Variants in PARD3B observed in about 807,000 individuals in gnomAD.
PARD3B encodes par-3 family cell polarity regulator beta.
PARD3B carries 103 observed loss-of-function variants against 130.2 expected under a neutral mutation model. That is an observed-to-expected ratio of 0.79 (90% CI 0.67 to 0.93). The LOEUF (loss-of-function observed/expected upper bound fraction) is 0.93, where lower values mean the gene tolerates loss of function less well. Among genes scored for constraint, PARD3B ranks in the 40% least tolerant of loss-of-function variants. PARD3B has a pLI of 0.00. For missense variants in PARD3B, 1,609 were observed against 1,499.2 expected, an observed-to-expected ratio of 1.07 and a Z score of -1.21; for synonymous variants, 583 against 553.2, an observed-to-expected ratio of 1.05 and a Z score of -0.76.
At chr2:205,603,231 C>A (rs778751299) in intron 22 of PARD3B, among the ~76,000 whole-genome samples, 1 of 151,788 alleles carries the variant, frequency 6.6e-6, no homozygotes, top group African/African-American at 2.4e-5. Context: ...GTTATGATTT[C>A]AATTCTTTTG....
chr2:205,546,565 G>GA (rs1320585825), intron 21 of PARD3B, among the ~76,000 whole-genome samples: 1 of 152,164 alleles, frequency 6.6e-6, no homozygotes, highest in African/African-American at 2.4e-5. Flanking sequence ...TGAGCACAGA[G>GA]AAAAATGAGA....
rs2042906570 is a variant in PARD3B at position 205,325,479 on chromosome 2, C to T, written c.2630+23778C>T. Among the ~76,000 whole-genome samples the T allele has an allele frequency of 6.6e-6, 1 of 151,970 alleles. No homozygotes were observed. The highest frequency in any genetic ancestry group is 1.5e-5 in the Non-Finnish European group (1 of 68,026). On this transcript the variant is annotated intron_variant, in intron 18 of 22. Coordinates refer to ENST00000406610, the MANE Select transcript of PARD3B (RefSeq NM_001302769.2). The surrounding 1 kb of genome is among the most constrained non-coding windows in gnomAD (Gnocchi z 4.1). ...GCCTTGCTGACAACAATTCTCTCCA[C>T]ACTCAGTACTGATAAAGATAGTTTA...
At chr2:204,637,476 G>A (rs1270771737) in intron 1 of PARD3B, among the ~76,000 whole-genome samples, 1 of 152,076 alleles carries the variant, frequency 6.6e-6, no homozygotes, top group African/African-American at 2.4e-5. Context: ...TGAGATAGAT[G>A]TATAACATGT....
At chr2:204,797,808 A>C (rs2042428157) in intron 2 of PARD3B, among the ~76,000 whole-genome samples, 1 of 152,228 alleles carries the variant, frequency 6.6e-6, no homozygotes, top group South Asian at 2.1e-4. Context: ...TGAACCAATG[A>C]GATAGGAGAA....
intron 21 of PARD3B, among the ~76,000 whole-genome samples, chr2:205,549,879 G>A (rs1338809018): frequency 6.6e-6 from 1 of 152,100 alleles, no homozygotes; most frequent in Non-Finnish European, 1.5e-5. Context: ...GCATGTGTAG[G>A]GGTGGGACTA....
intron 3 of PARD3B, among the ~76,000 whole-genome samples, chr2:204,985,069 T>C (rs2125222390): frequency 1.3e-5 from 2 of 152,250 alleles, no homozygotes; most frequent in South Asian, 2.1e-4. Context: ...ATGGTAATAT[T>C]GTAGGCTACC....
intron 19 of PARD3B, among the ~76,000 whole-genome samples, chr2:205,425,222 A>G (rs2047103701): frequency 6.6e-6 from 1 of 152,038 alleles, no homozygotes; most frequent in South Asian, 2.1e-4. Flanking sequence ...TCACATCCCC[A>G]CCTCTCTTTG....
intron 2 of PARD3B, among the ~76,000 whole-genome samples, chr2:204,766,770 TA>T (rs1213951738): frequency 6.7e-6 from 1 of 149,306 alleles, no homozygotes; most frequent in Non-Finnish European, 1.5e-5. Flanking sequence ...GTAATTTTTC[TA>T]AAGCTTATGA....
intron 1 of PARD3B, among the ~76,000 whole-genome samples, chr2:204,553,785 T>C (rs1265875676): frequency 1.3e-5 from 2 of 149,764 alleles, no homozygotes; most frequent in East Asian, 2.0e-4. Flanking sequence ...GATTGGAGAC[T>C]ATTACGGCAA....
intron 22 of PARD3B, among the ~76,000 whole-genome samples, chr2:205,588,412 C>T (rs562014469): frequency 3.2e-4 from 48 of 152,082 alleles, no homozygotes; most frequent in Non-Finnish European, 5.6e-4. Context: ...GTTATTCATC[C>T]AGACCTGAAT....
intron 1 of PARD3B, among the ~76,000 whole-genome samples, chr2:204,637,511 T>A (rs1559199027): frequency 6.6e-6 from 1 of 152,216 alleles, no homozygotes; most frequent in African/African-American, 2.4e-5. Flanking sequence ...ATCAGAAGTG[T>A]ACTAAATTCT....
intron 21 of PARD3B, among the ~76,000 whole-genome samples, chr2:205,512,805 G>C (rs2050636758): frequency 6.6e-6 from 1 of 152,002 alleles, no homozygotes; most frequent in Non-Finnish European, 1.5e-5. Context: ...ATCATGACCT[G>C]GTGTCTTTTC....
chr2:205,460,295 A>C lies in PARD3B; in HGVS notation c.3044+19623A>C, dbSNP rs1425152000. 6.6e-6 allele frequency among the ~76,000 whole-genome samples: 1 copy of C among 152,112 alleles called. No homozygotes were observed. The highest frequency in any genetic ancestry group is 1.5e-5 in the Non-Finnish European group (1 of 68,028). On this transcript the variant is annotated intron_variant, in intron 20 of 22. Transcript: ENST00000406610. The surrounding 1 kb of genome is among the most constrained non-coding windows in gnomAD (Gnocchi z 4.9). ...TTTTTTTCTGAGAGGGTATTTCTCT[A>C]AACTATATCAGATAAAGGATGCCCA...
chr2:205,225,850 C>T (rs749786926), intron 15 of PARD3B, among the ~76,000 whole-genome samples: 8 of 152,124 alleles, frequency 5.3e-5, no homozygotes, highest in Non-Finnish European at 1.0e-4. Flanking sequence ...GTCCTTTCCC[C>T]AACATTTGGA....
Position 205,299,340 on chromosome 2 carries a change from G to A in PARD3B, c.2186-1190G>A, listed in dbSNP as rs377429839. Among the ~76,000 whole-genome samples the A allele has an allele frequency of 1.9e-4, 29 of 152,156 alleles. 1 individual carries two copies. In the East Asian group the frequency reaches 2.5e-3, roughly 13 times the overall value. ...GCCTTGCTAGGTGCTAGACATTGAA[G>A]TAGGTACTTTACATACATAATTCTT... On this transcript the variant is annotated intron_variant, in intron 16 of 22. Transcript: ENST00000406610.
At chr2:204,790,289 G>A (rs762178065) in intron 2 of PARD3B, among the ~76,000 whole-genome samples, 115 of 152,182 alleles carry the variant, frequency 7.6e-4, no homozygotes, top group Non-Finnish European at 1.0e-3. Context: ...TCAGGGTCCT[G>A]TTTGAAAACT....
chr2:205,509,315 A>G lies in PARD3B; in HGVS notation c.3180+9284A>G, dbSNP rs184717551. Among the ~76,000 whole-genome samples the G allele has an allele frequency of 2.0e-5, 3 of 152,272 alleles. No homozygotes were observed. The East Asian group carries it at 5.8e-4, about 29-fold the overall frequency. On this transcript the variant is annotated intron_variant, in intron 21 of 22. Transcript: ENST00000406610. ...GTAACCTTGTGCTAATCCCAGAACAATAACCTTGAAGCAGAAACAGGGAGC... is the reference window on the plus strand; with the variant it reads ...GTAACCTTGTGCTAATCCCAGAACAGTAACCTTGAAGCAGAAACAGGGAGC...
chr2:204,701,023 T>A (rs951747489), intron 2 of PARD3B, among the ~76,000 whole-genome samples: 2 of 152,118 alleles, frequency 1.3e-5, no homozygotes, highest in African/African-American at 4.8e-5. Flanking sequence ...AAATTTCTTT[T>A]GTATATGTAT....
chr2:204,604,170 T>C (rs2033620142), intron 1 of PARD3B, among the ~76,000 whole-genome samples: 1 of 152,156 alleles, frequency 6.6e-6, no homozygotes. Context: ...AATACTTCTC[T>C]TATAGGAAAT....
Sources: gnomAD v4.1 joint callset for allele counts (sites outside exome capture counted in the v4.1 genomes callset) on GRCh38, gnomAD v4.1.1 for gene constraint, Gnocchi (gnomAD v3.1) non-coding constraint, MANE v1.5 for transcripts, NCBI Gene and HGNC (gene_info 2026-07-23, HGNC 2026-07-21) for gene names.